The following HS6ST3 variants were observed in gnomAD, a reference collection of about 807,000 sequenced individuals.
The protein encoded by HS6ST3 is heparan sulfate 6-O-sulfotransferase 3, also known as heparan-sulfate 6-O-sulfotransferase 3.
HS6ST3 carries 12 observed loss-of-function variants against 36.7 expected under a neutral mutation model. The ratio of observed to expected loss-of-function variants is 0.33; its 90% CI spans 0.21 to 0.53. The LOEUF is 0.53. Ranked by LOEUF, HS6ST3 falls within the 20% of genes least tolerant of loss-of-function variation. The pLI, the probability that HS6ST3 is intolerant of heterozygous loss-of-function variation, is 0.95. For synonymous variants in HS6ST3, 240 were observed against 257.5 expected (o/e 0.93, Z 0.65); for missense variants, 584 against 640.9 (o/e 0.91, Z 0.96).
intron 1 of HS6ST3, among the ~76,000 whole-genome samples, chr13:96,295,557 G>A (rs2054851016): frequency 2.0e-5 from 3 of 152,064 alleles, no homozygotes; most frequent in Non-Finnish European, 2.9e-5. Flanking sequence ...TGCTGAGCGC[G>A]ATCCAGGTGT....
intron 1 of HS6ST3, among the ~76,000 whole-genome samples, chr13:96,305,680 TA>T (rs947321340): frequency 2.0e-5 from 3 of 152,186 alleles, no homozygotes; most frequent in Non-Finnish European, 2.9e-5. Flanking sequence ...TAGTTATACC[TA>T]AAAATAATTA....
chr13:96,310,854 T>C (rs1247458976), intron 1 of HS6ST3, among the ~76,000 whole-genome samples: 1 of 152,214 alleles, frequency 6.6e-6, no homozygotes, highest in Non-Finnish European at 1.5e-5. Flanking sequence ...AAATGTGTTT[T>C]TATTTAGCTG....
At chr13:96,112,578 A>AATAAATATAT (rs1366560422) in intron 1 of HS6ST3, among the ~76,000 whole-genome samples, 3 of 81,246 alleles carry the variant, frequency 3.7e-5, no homozygotes, top group African/African-American at 9.7e-5. Flanking sequence ...AAAATAAATA[A>AATAAATATAT]ATATATATAT....
At chr13:96,368,836 A>G (rs780463715) in intron 1 of HS6ST3, among the ~76,000 whole-genome samples, 9 of 152,196 alleles carry the variant, frequency 5.9e-5, no homozygotes, top group South Asian at 2.1e-4. Context: ...GAGTGGGACT[A>G]CGGGAACTGC....
chr13:96,211,851 A>C (rs1234057807), intron 1 of HS6ST3, among the ~76,000 whole-genome samples: 1 of 152,206 alleles, frequency 6.6e-6, no homozygotes, highest in South Asian at 2.1e-4. Flanking sequence ...CCTTTTGTCA[A>C]GAAAACACAA....
intron 1 of HS6ST3, among the ~76,000 whole-genome samples, chr13:96,676,440 G>T (rs775063800): frequency 2.6e-5 from 4 of 152,058 alleles, no homozygotes; most frequent in Non-Finnish European, 4.4e-5. Flanking sequence ...CACCATCATT[G>T]ACATACCCAG....
chr13:96,263,171 C>T lies in HS6ST3; in HGVS notation c.707+171602C>T, dbSNP rs1052865843. On this transcript the variant is annotated intron_variant, in intron 1 of 1. Transcript: ENST00000376705. ...GATGTGAAAATATATGTGAATTCTA[C>T]TGGTGACAGTCACAAGTTTGGCTAA... is the stretch of plus-strand genomic sequence containing the variant. Among the ~76,000 whole-genome samples the T allele has an allele frequency of 2.6e-5, 4 of 152,156 alleles. No individual in the cohort carries two copies. The East Asian group carries it at 7.7e-4, about 29-fold the overall frequency.
intron 1 of HS6ST3, among the ~76,000 whole-genome samples, chr13:96,195,051 T>A (rs1272398795): frequency 6.6e-6 from 1 of 152,228 alleles, no homozygotes; most frequent in Non-Finnish European, 1.5e-5. Flanking sequence ...TGATTTCAGA[T>A]ATAAAACCAT....
chr13:96,511,844 T>C (rs1156314358), intron 1 of HS6ST3, among the ~76,000 whole-genome samples: 1 of 152,160 alleles, frequency 6.6e-6, no homozygotes, highest in Admixed American at 6.6e-5. Context: ...TTAATTTCTT[T>C]GTTTTAATTC....
Position 96,197,003 on chromosome 13 carries a change from C to T in HS6ST3, c.707+105434C>T, listed in dbSNP as rs1305707635. Among the ~76,000 whole-genome samples the T allele has an allele frequency of 2.0e-5, 3 of 152,322 alleles. No individual in the cohort carries two copies. The South Asian group carries it at 6.2e-4, about 32-fold the overall frequency. ...TATTTCTGGCTCTGCCATTCTTTCT[C>T]TGTGTGACCTCTAGATGGATCTATG... On this transcript the variant is annotated intron_variant, in intron 1 of 1. Transcript: ENST00000376705.
At chr13:96,579,526 C>T (rs2056334030) in intron 1 of HS6ST3, among the ~76,000 whole-genome samples, 1 of 151,694 alleles carries the variant, frequency 6.6e-6, no homozygotes, top group Admixed American at 6.6e-5. Context: ...CATGGATTGC[C>T]TACTTACACA....
At chr13:96,205,071 A>G (rs146632257) in intron 1 of HS6ST3, among the ~76,000 whole-genome samples, 1,695 of 150,318 alleles carry the variant, frequency 0.011, 31 homozygotes, top group African/African-American at 0.039. Flanking sequence ...AAAATTAAAA[A>G]ATACATAGAC....
At chr13:96,226,757 T>C (rs1439840177) in intron 1 of HS6ST3, among the ~76,000 whole-genome samples, 1 of 152,212 alleles carries the variant, frequency 6.6e-6, no homozygotes, top group Non-Finnish European at 1.5e-5. Flanking sequence ...AGGATAGACA[T>C]CTTGGTATGA....
intron 1 of HS6ST3, among the ~76,000 whole-genome samples, chr13:96,480,497 A>G (rs556191559): frequency 6.6e-6 from 1 of 152,178 alleles, no homozygotes; most frequent in South Asian, 2.1e-4. Context: ...TAGAGAAGGG[A>G]GTAGAGTTTG....
intron 1 of HS6ST3, among the ~76,000 whole-genome samples, chr13:96,559,413 C>T (rs2056253722): frequency 1.3e-5 from 2 of 152,136 alleles, no homozygotes; most frequent in South Asian, 4.1e-4. Context: ...TCCACCATGC[C>T]CGGCCAGTCA....
At chr13:96,821,439 T>C (rs901098810) in intron 1 of HS6ST3, among the ~76,000 whole-genome samples, 2 of 152,214 alleles carry the variant, frequency 1.3e-5, no homozygotes, top group Non-Finnish European at 1.5e-5. Context: ...TGGAAGAAAC[T>C]GCCAAAACTA....
At chr13:96,259,348 C>T (rs191535250) in intron 1 of HS6ST3, among the ~76,000 whole-genome samples, 1 of 152,096 alleles carries the variant, frequency 6.6e-6, no homozygotes, top group Non-Finnish European at 1.5e-5. Context: ...CAGGCACAGA[C>T]CTAGAAAGCT....
intron 1 of HS6ST3, among the ~76,000 whole-genome samples, chr13:96,583,842 A>G (rs745546791): frequency 5.9e-5 from 9 of 152,078 alleles, no homozygotes; most frequent in Admixed American, 2.0e-4. Context: ...CTCAACCTCT[A>G]CGCTATTGAG....
intron 1 of HS6ST3, among the ~76,000 whole-genome samples, chr13:96,690,526 A>G (rs547122311): frequency 1.3e-5 from 2 of 152,206 alleles, no homozygotes; most frequent in African/African-American, 4.8e-5. Flanking sequence ...ATCATTCTGA[A>G]ATAAAATCAT....
Sources: gnomAD v4.1 joint callset for allele counts (sites outside exome capture counted in the v4.1 genomes callset) on GRCh38, gnomAD v4.1.1 for gene constraint, MANE v1.5 for transcripts, NCBI Gene and HGNC (gene_info 2026-07-23, HGNC 2026-07-21) for gene names.